The following CNKSR2 variants were observed in gnomAD, a reference collection of about 807,000 sequenced individuals.
The protein encoded by CNKSR2 is CNK homolog protein 2.
CNKSR2 carries 14 observed loss-of-function variants against 84.4 expected under a neutral mutation model. That is an observed-to-expected ratio of 0.17 (90% confidence interval 0.11 to 0.26). CNKSR2 has a LOEUF of 0.26. Ranked by LOEUF, CNKSR2 falls within the 10% of genes least tolerant of loss-of-function variation. The pLI is 1.00. For missense variants in CNKSR2, 485 were observed against 771.2 expected (o/e 0.63, Z 4.40); for synonymous variants, 275 against 277.9 (o/e 0.99, Z 0.10).
chrX:21,550,238 A>G (rs924332839), intron 11 of CNKSR2, among the ~76,000 whole-genome samples: 1 of 112,113 alleles, frequency 8.9e-6, no homozygotes, highest in Admixed American at 9.4e-5. Flanking sequence ...AAACAGCCCC[A>G]TCAAAAAGTG....
At chrX:21,589,513 G>A (rs2092407860) in intron 13 of CNKSR2, among the ~76,000 whole-genome samples, 1 of 112,121 alleles carries the variant, frequency 8.9e-6, no homozygotes, top group Admixed American at 9.5e-5. Flanking sequence ...AAGCACACAT[G>A]CTATCTCTGT....
intron 17 of CNKSR2, among the ~76,000 whole-genome samples, chrX:21,599,339 GGTGTGTGTGTGTGTGTGTGTGTGT>G (rs34829122): frequency 1.2e-5 from 1 of 82,706 alleles, no homozygotes; most frequent in Admixed American, 1.4e-4. Context: ...TTTTTGTTTT[GGTGTGTGTGTGTGTGTGTGTGTGT>G]GTGTGTGTGT....
intron 1 of CNKSR2, among the ~76,000 whole-genome samples, chrX:21,417,235 C>G (rs2090435093): frequency 8.9e-6 from 1 of 111,816 alleles, no homozygotes; most frequent in South Asian, 3.7e-4. Flanking sequence ...CAAAATTCCT[C>G]TTGTCATCAA....
At chrX:21,606,617 C>T in intron 18 of CNKSR2, 162 bp from the exon 19 acceptor site, 2 of 361,949 alleles carry the variant, frequency 5.5e-6, no homozygotes, top group Non-Finnish European at 4.7e-6. Flanking sequence ...CAAAACTCAA[C>T]TGAAAATAAA....
At chrX:21,647,035 T>G (rs2092708415) in intron 20 of CNKSR2, among the ~76,000 whole-genome samples, 1 of 112,096 alleles carries the variant, frequency 8.9e-6, no homozygotes, top group African/African-American at 3.2e-5. Context: ...CACAAAGCAG[T>G]TTCTCCTTTT....
rs144862816 is a variant in CNKSR2, at chrX:21,460,865, A to G, written c.520-9901A>G. On this transcript the variant is annotated intron_variant, in intron 4 of 21. Coordinates refer to ENST00000379510, the MANE Select transcript of CNKSR2 (RefSeq NM_014927.5). ...CTCTAGATCCATAGATGCTGTTGCA[A>G]ATGACTGAATCTCATTTTTAATGGC... Among the ~76,000 whole-genome samples, 715 of 112,120 alleles carry G rather than the reference A, an allele frequency of 6.4e-3. 8 individuals are homozygous for G. The highest frequency in any genetic ancestry group is 0.022 in the African/African-American group (675 of 30,883).
chrX:21,474,568 T>TACCA (rs1045585387), intron 5 of CNKSR2, among the ~76,000 whole-genome samples: 2 of 111,798 alleles, frequency 1.8e-5, no homozygotes, highest in Non-Finnish European at 3.8e-5. Flanking sequence ...TCTCTCACAC[T>TACCA]ACCAGGTTTT....
intron 1 of CNKSR2, among the ~76,000 whole-genome samples, chrX:21,391,117 T>G (rs1399840840): frequency 1.8e-5 from 2 of 112,736 alleles, no homozygotes; most frequent in African/African-American, 6.4e-5. Flanking sequence ...ACAACCCCCT[T>G]GGTGGCTATC....
intron 11 of CNKSR2, among the ~76,000 whole-genome samples, chrX:21,549,590 A>C (rs2092065076): frequency 8.9e-6 from 1 of 112,267 alleles, no homozygotes; most frequent in Admixed American, 9.4e-5. Context: ...GGAACCAAAA[A>C]AGAGCCCATA....
In CNKSR2 at chrX:21,420,957, G is replaced by A. The variant is rs187655749; in HGVS notation, c.65-5540G>A. 7.4e-3 allele frequency among the ~76,000 whole-genome samples: 820 copies of A among 111,032 alleles called. 3 individuals carry two copies. The highest frequency in any genetic ancestry group is 0.013 in the Non-Finnish European group (694 of 52,943). On this transcript the variant is annotated intron_variant, in intron 1 of 21. Transcript: ENST00000379510. The stretch of plus-strand genomic sequence containing the variant: ...CTGTTCAGCATTAGAACTCTCCTAG[G>A]ATTTGCAGTCCTTGTGGCCTAGACT...
chrX:21,539,343 T>A (rs1160892084), intron 11 of CNKSR2, among the ~76,000 whole-genome samples: 1 of 111,889 alleles, frequency 8.9e-6, no homozygotes, highest in Non-Finnish European at 1.9e-5. Context: ...AGTTTTAAGA[T>A]TTTTGTTTGG....
intron 20 of CNKSR2, among the ~76,000 whole-genome samples, chrX:21,629,747 C>A (rs1173231618): frequency 8.9e-6 from 1 of 112,187 alleles, no homozygotes; most frequent in African/African-American, 3.2e-5. Context: ...CAAACCATAT[C>A]AATGTGTAAA....
intron 20 of CNKSR2, among the ~76,000 whole-genome samples, chrX:21,624,548 T>C (rs1431819784): frequency 1.8e-5 from 2 of 111,573 alleles, no homozygotes; most frequent in Admixed American, 1.9e-4. Context: ...CTCACTCTGT[T>C]GCCCAGGTTG....
chrX:21,601,068 T>C (rs1043814968), intron 17 of CNKSR2, among the ~76,000 whole-genome samples: 1 of 112,141 alleles, frequency 8.9e-6, no homozygotes, highest in Non-Finnish European at 1.9e-5. Context: ...GCCCAAGACT[T>C]TTCTATTGAA....
intron 5 of CNKSR2, among the ~76,000 whole-genome samples, chrX:21,476,929 AT>A (rs2091266239): frequency 8.9e-6 from 1 of 111,910 alleles, no homozygotes; most frequent in Admixed American, 9.5e-5. Flanking sequence ...TCCTTGTTTT[AT>A]ATAACAAATG....
intron 3 of CNKSR2, among the ~76,000 whole-genome samples, chrX:21,436,417 T>C (rs1381473571): frequency 6.3e-5 from 7 of 111,852 alleles, no homozygotes; most frequent in African/African-American, 2.3e-4. Context: ...GAATAATTTC[T>C]TATAGGGTCT....
intron 13 of CNKSR2, among the ~76,000 whole-genome samples, chrX:21,584,814 T>C (rs1033729436): frequency 6.3e-5 from 7 of 111,159 alleles, no homozygotes; most frequent in African/African-American, 2.3e-4. Flanking sequence ...GACCAGATCA[T>C]GTAGGGCCTT....
intron 1 of CNKSR2, among the ~76,000 whole-genome samples, chrX:21,384,993 G>A (rs2089948277): frequency 8.9e-6 from 1 of 111,759 alleles, no homozygotes; most frequent in Admixed American, 9.5e-5. Flanking sequence ...GTGAAATTAG[G>A]TTTGACGTCA....
chrX:21,501,709 A>G lies in CNKSR2; in HGVS notation c.810+121A>G, dbSNP rs1196882165. The G allele has an allele frequency of 2.5e-5, 9 of 360,662 alleles. No homozygotes were observed. In the East Asian group the frequency reaches 3.1e-4, roughly 13 times the overall value. 29.7% of individuals were successfully genotyped at this position (360,662 alleles called of 1,213,427 possible). A position where few individuals can be genotyped will look rare whatever the true frequency, so the allele number is the denominator to read the frequency against. On this transcript the variant is annotated intron_variant, in intron 8 of 21. Transcript: ENST00000379510. ...ACAAAATATTGAACAGCCTTTTGAAAAAATAACTGAATATTTATTCTTCTT... is the reference window on the plus strand; with the variant it reads ...ACAAAATATTGAACAGCCTTTTGAAGAAATAACTGAATATTTATTCTTCTT...
Sources: allele counts gnomAD v4.1 joint callset (sites outside exome capture counted in the v4.1 genomes callset), GRCh38; gene constraint gnomAD v4.1.1; transcripts MANE v1.5; gene names NCBI Gene and HGNC (gene_info 2026-07-23, HGNC 2026-07-21).